The following FAM149B1 variants were observed in gnomAD, a reference collection of about 807,000 sequenced individuals.
FAM149B1 encodes family with sequence similarity 149 member B1.
In FAM149B1, 56 loss-of-function variants were observed where a neutral mutation model predicts 75.3. That is an observed-to-expected ratio of 0.74 (90% CI 0.60 to 0.93). The LOEUF (loss-of-function observed/expected upper bound fraction) is 0.93. FAM149B1 is among the 40% of genes least tolerant of loss of function. The probability of loss-of-function intolerance (pLI) is 0.00; values close to 1 mark genes in which losing one functional copy is unlikely to be tolerated. For missense variants in FAM149B1, 639 were observed against 708.4 expected, an observed-to-expected ratio of 0.90 and a Z score of 1.11; for synonymous variants, 259 against 256.1, an observed-to-expected ratio of 1.01 and a Z score of -0.11.
intron 7 of FAM149B1, among the ~76,000 whole-genome samples, chr10:73,217,096 A>G (rs943175268): frequency 2.0e-5 from 3 of 152,188 alleles, no homozygotes; most frequent in Non-Finnish European, 4.4e-5. Flanking sequence ...TTCACTCAGG[A>G]TAATGATTTT....
intron 8 of FAM149B1, among the ~76,000 whole-genome samples, chr10:73,228,810 C>T (rs962513797): frequency 2.0e-5 from 3 of 151,930 alleles, no homozygotes; most frequent in Non-Finnish European, 4.4e-5. Context: ...TGGCCAGGCC[C>T]GTCTCGAACT....
At chr10:73,169,837 T>C (rs1013445012) in intron 1 of FAM149B1, among the ~76,000 whole-genome samples, 2 of 149,292 alleles carry the variant, frequency 1.3e-5, no homozygotes, top group African/African-American at 5.0e-5. Flanking sequence ...ATATCAGAAA[T>C]GTTACATATT....
chr10:73,222,590 C>G (rs1372822371), intron 7 of FAM149B1, among the ~76,000 whole-genome samples: 5 of 152,138 alleles, frequency 3.3e-5, no homozygotes, highest in African/African-American at 1.2e-4. Context: ...GGTCTCTGGA[C>G]TCTCAACTCA....
At chr10:73,198,587 C>T (rs1394306320) in intron 5 of FAM149B1, among the ~76,000 whole-genome samples, 1 of 152,104 alleles carries the variant, frequency 6.6e-6, no homozygotes, top group Non-Finnish European at 1.5e-5. Context: ...GGTGGATCAC[C>T]TGAGGTCAAG....
chr10:73,219,977 G>C (rs762801478), intron 7 of FAM149B1, among the ~76,000 whole-genome samples: 2 of 150,360 alleles, frequency 1.3e-5, no homozygotes, highest in Non-Finnish European at 3.0e-5. Context: ...CTGTGAAATG[G>C]GAGAAAATAT....
rs117484669 is a variant in FAM149B1, at chr10:73,230,552, T to C, written c.1127+27T>C. ...TAAGAAGTTCAACATTTTCAGACTA[T>C]ACAGTGTAAAAGGGAAACAGAGGGA... On this transcript the variant is annotated intron_variant, in intron 9 of 13. Coordinates refer to ENST00000242505, the MANE Select transcript of FAM149B1 (RefSeq NM_173348.2). 67 of 1,261,838 alleles carry C rather than the reference T, an allele frequency of 5.3e-5. No homozygotes were observed. In the East Asian group the frequency reaches 1.2e-3, roughly 22 times the overall value. 78.2% of individuals were successfully genotyped at this position (1,261,838 alleles called of 1,614,324 possible).
chr10:73,225,227 G>C (rs1401088876), intron 7 of FAM149B1, among the ~76,000 whole-genome samples: 1 of 152,182 alleles, frequency 6.6e-6, no homozygotes, highest in Non-Finnish European at 1.5e-5. Context: ...AAAGTTAACT[G>C]TAAAATAGCC....
rs1325313784 is a variant in FAM149B1, at chr10:73,177,965, G to T, written c.272G>T (p.Trp91Leu). Residue 91 changes from tryptophan (W) to leucine (L), a missense_variant, in exon 3 of 14, where the codon TGG (tryptophan) becomes TTG (leucine). Coordinates refer to ENST00000242505, the MANE Select transcript of FAM149B1 (RefSeq NM_173348.2). Reference sequence around the variant, plus strand: ...ACTGAAGGAAGCTCGGACTTCTCCTGGGGATATGGTGTGAGTTATATGTTA... The same window carrying T: ...ACTGAAGGAAGCTCGGACTTCTCCTTGGGATATGGTGTGAGTTATATGTTA... ...ISTEGSSDFS[W>L]GYGELDQNAT... 7 of 1,550,364 alleles carry T rather than the reference G, an allele frequency of 4.5e-6. No homozygotes were observed. The highest frequency in any genetic ancestry group is 4.9e-5 in the East Asian group (2 of 40,900).
intron 7 of FAM149B1, 55 bp downstream of exon 7, chr10:73,210,493 C>T: frequency 7.9e-7 from 1 of 1,261,528 alleles, no homozygotes; most frequent in South Asian, 1.4e-5. Context: ...TTTCTAAACC[C>T]TAACCAGTCT....
In FAM149B1 at chr10:73,210,328, T is replaced by C; in HGVS notation, c.788T>C (p.Phe263Ser). 1 of 1,551,104 alleles carries C rather than the reference T, an allele frequency of 6.4e-7. No individual in the cohort carries two copies. The highest frequency in any genetic ancestry group is 8.7e-7 in the Non-Finnish European group (1 of 1,146,368). ...TTAGGGTATCCTCCCATTGCTCCAT[T>C]TTACTGCATGAAAGAAGATGTCCTT... ...QKLGYPPIAP[F>S]YCMKEDVLAY... The change falls in exon 7 of 14, where the codon TTT (phenylalanine) becomes TCT (serine). Residue 263 changes from phenylalanine (F) to serine (S), a missense_variant. Physicochemically the swap from Phe to Ser is radical, Grantham distance 155. Coordinates refer to ENST00000242505, the MANE Select transcript of FAM149B1 (RefSeq NM_173348.2).
rs2043968027 is a variant in FAM149B1, at chr10:73,242,696, A to G, written c.*1677A>G. 1 of 152,214 alleles carries G rather than the reference A, an allele frequency of 6.6e-6. No individual in the cohort carries two copies. The highest frequency in any genetic ancestry group is 2.1e-4 in the South Asian group (1 of 4,832). The allele number at this position is 152,214 out of a possible 1,614,324, so 9.4% of individuals were successfully genotyped here. A position where few individuals can be genotyped will look rare whatever the true frequency, so the allele number is the denominator to read the frequency against. ...ACTACAACATACATCTCTTCATGCT[A>G]GGGAAACCAGGCTCTCTATTATAAA... On this transcript the variant is annotated 3_prime_UTR_variant, in exon 14 of 14. Transcript: ENST00000242505.
chr10:73,200,521 C>A (rs1756944822), intron 5 of FAM149B1: 2 of 697,382 alleles, frequency 2.9e-6, no homozygotes, highest in African/African-American at 3.6e-5. Context: ...CAGAAGATAC[C>A]TTTTTTCCAA....
At chr10:73,188,771 AAGGAAGGAAGGAAGGAAGG>A in intron 3 of FAM149B1, among the ~76,000 whole-genome samples, 1 of 119,418 alleles carries the variant, frequency 8.4e-6, no homozygotes, top group African/African-American at 3.8e-5. Flanking sequence ...GGAAGGAAGG[AAGGAAGGAAGGAAGGAAGG>A]AAGGAAGGAA....
chr10:73,194,213 CTTAAGGAT>C (rs1411447791), intron 5 of FAM149B1, among the ~76,000 whole-genome samples: 2 of 151,904 alleles, frequency 1.3e-5, no homozygotes, highest in East Asian at 3.9e-4. Flanking sequence ...TATAATAGTG[CTTAAGGAT>C]ATTCTTATTA....
intron 1 of FAM149B1, among the ~76,000 whole-genome samples, chr10:73,170,975 A>ATT (rs199626934): frequency 3.5e-5 from 5 of 144,584 alleles, no homozygotes; most frequent in Non-Finnish European, 7.6e-5. Flanking sequence ...TTTTCTTTCT[A>ATT]TTTTTTTTTT....
Position 73,208,666 on chromosome 10 carries a change from A to C in FAM149B1, c.590A>C (p.His197Pro). The C allele has an allele frequency of 6.5e-7, 1 of 1,548,380 alleles. No homozygotes were observed. Among genetic ancestry groups the C allele is most frequent in the Non-Finnish European group, 8.7e-7 (1 of 1,144,866 alleles). The part of the protein sequence containing the change: ...KKLHFSSSYA[H>P]KASSIAKSSS... ...TTACATTTTTCATCTTCTTATGCTC[A>C]TAAAGCATCTTCCATTGCCAAATCC... The change falls in exon 6 of 14, where the codon CAT becomes CCT. Residue 197 changes from histidine to proline, a missense_variant. His to Pro is a moderately conservative substitution (Grantham distance 77). Coordinates refer to ENST00000242505, the MANE Select transcript of FAM149B1 (RefSeq NM_173348.2).
chr10:73,181,428 A>G (rs1193961541), intron 3 of FAM149B1, among the ~76,000 whole-genome samples: 1 of 152,062 alleles, frequency 6.6e-6, no homozygotes, highest in East Asian at 1.9e-4. Context: ...GCTGTTTCCC[A>G]TAGGTTTGGA....
intron 3 of FAM149B1, among the ~76,000 whole-genome samples, chr10:73,185,463 C>T (rs922877711): frequency 2.0e-5 from 3 of 152,132 alleles, no homozygotes; most frequent in African/African-American, 7.2e-5. Flanking sequence ...GTGGGAGAAT[C>T]GCTTGAGCCT....
intron 8 of FAM149B1, among the ~76,000 whole-genome samples, chr10:73,230,065 C>T (rs1157523402): frequency 6.6e-6 from 1 of 152,096 alleles, no homozygotes; most frequent in Non-Finnish European, 1.5e-5. Context: ...ACAGTTTCCC[C>T]TTACTATTTT....
Sources: allele counts gnomAD v4.1 joint callset (sites outside exome capture counted in the v4.1 genomes callset), GRCh38; gene constraint gnomAD v4.1.1; transcripts MANE v1.5; gene names NCBI Gene and HGNC (gene_info 2026-07-23, HGNC 2026-07-21).